FGF13: variants seen among roughly 807,000 people sequenced by gnomAD.
The protein encoded by FGF13 is fibroblast growth factor 13, also known as fibroblast growth factor homologous factor 2.
A neutral mutation model predicts 19.5 loss-of-function variants in FGF13; 2 were observed. That is an observed-to-expected ratio of 0.10 (90% CI 0.04 to 0.32). The LOEUF is 0.32. FGF13 is among the 10% of genes least tolerant of loss of function. The pLI is 1.00. For synonymous variants in FGF13, 72 were observed against 76.9 expected (o/e 0.94, Z 0.33); for missense variants, 113 against 192.7 (o/e 0.59, Z 2.45).
At chrX:138,737,076 G>A (rs2090281948) in intron 1 of FGF13, among the ~76,000 whole-genome samples, 2 of 111,453 alleles carry the variant, frequency 1.8e-5, no homozygotes, top group Non-Finnish European at 3.8e-5. Context: ...GGCTGGGAAG[G>A]GTTACACAGA....
chrX:138,918,797 A>G (rs1394649914), intron 1 of FGF13, among the ~76,000 whole-genome samples: 2 of 111,906 alleles, frequency 1.8e-5, no homozygotes, highest in African/African-American at 6.5e-5. Context: ...AAGGCTTCGC[A>G]GAGGAGTTAA....
intron 1 of FGF13, among the ~76,000 whole-genome samples, chrX:139,157,720 T>TG (rs1161663379): frequency 8.8e-6 from 1 of 113,048 alleles, no homozygotes; most frequent in Non-Finnish European, 1.9e-5. Context: ...TACCAGAAAG[T>TG]GGTGTTGTTG....
intron 3 of FGF13, among the ~76,000 whole-genome samples, chrX:138,657,810 T>C (rs1027587730): frequency 6.2e-5 from 7 of 112,109 alleles, no homozygotes; most frequent in African/African-American, 1.9e-4. Context: ...CCCAGTATGA[T>C]TACTACACTG....
intron 1 of FGF13, among the ~76,000 whole-genome samples, chrX:139,174,482 C>A (rs1003697523): frequency 6.2e-5 from 7 of 112,231 alleles, no homozygotes; most frequent in Non-Finnish European, 1.3e-4. Context: ...TTGCCCATGC[C>A]TATGTCCTGA....
rs749202739 is a variant in FGF13, at chrX:138,756,843, A to T, written c.218-47915T>A. On this transcript the variant is annotated intron_variant, in intron 3 of 6. Coordinates refer to the FGF13 transcript ENST00000436198. ...ACATGCCATCCATATTTCTGGCTCC[A>T]GGTGATGTCCACTATATACTCCATC... Among the ~76,000 whole-genome samples, 9 of 111,550 alleles carry T rather than the reference A, an allele frequency of 8.1e-5. 1 individual carries two copies. The South Asian group carries it at 3.5e-3, about 43-fold the overall frequency.
chrX:139,004,265 C>G lies in FGF13; in HGVS notation c.-112-139615G>C, dbSNP rs1231466173. 2.7e-5 allele frequency among the ~76,000 whole-genome samples: 3 copies of G among 112,801 alleles called. No individual in the cohort carries two copies. In the East Asian group the frequency reaches 8.5e-4, roughly 32 times the overall value. On this transcript the variant is annotated intron_variant, in intron 1 of 2. Transcript: ENST00000421460. Reference sequence around the variant, plus strand: ...CAGTACACCCTCCGCAGCCACTGGCCCGGGTGATAAGTCCCTCATTGCCCG... The same window carrying G: ...CAGTACACCCTCCGCAGCCACTGGCGCGGGTGATAAGTCCCTCATTGCCCG...
At chrX:139,186,427 C>T (rs1487509638) in intron 1 of FGF13, among the ~76,000 whole-genome samples, 2 of 111,703 alleles carry the variant, frequency 1.8e-5, no homozygotes, top group Non-Finnish European at 3.8e-5. Context: ...TAGACATTGT[C>T]CATCTTCATT....
exon 3 of FGF13, chrX:138,857,634 C>A: frequency 1.7e-6 from 2 of 1,208,142 alleles, no homozygotes; most frequent in Non-Finnish European, 2.2e-6. Context: ...GGAATCTTGT[C>A]GTAACATAAT....
chrX:138,725,420 G>GC (rs1323513991), intron 1 of FGF13, among the ~76,000 whole-genome samples: 1 of 111,273 alleles, frequency 9.0e-6, no homozygotes, highest in Non-Finnish European at 1.9e-5. Context: ...ACTACTGAAG[G>GC]CCATGATATG....
intron 1 of FGF13, among the ~76,000 whole-genome samples, chrX:139,054,497 G>A (rs1202203978): frequency 1.8e-5 from 2 of 111,427 alleles, no homozygotes; most frequent in Admixed American, 9.5e-5. Context: ...TTTGAAGTCA[G>A]GTAACCTGAT....
At chrX:138,756,676 T>C (rs1379502153) in intron 3 of FGF13, among the ~76,000 whole-genome samples, 1 of 111,914 alleles carries the variant, frequency 8.9e-6, no homozygotes, top group Non-Finnish European at 1.9e-5. Context: ...CCCCAGCCCT[T>C]TGTCAGACCG....
intron 1 of FGF13, among the ~76,000 whole-genome samples, chrX:139,004,324 G>A (rs973839071): frequency 7.1e-5 from 8 of 112,864 alleles, no homozygotes; most frequent in Non-Finnish European, 1.1e-4. Flanking sequence ...TTCTGAGTGC[G>A]GGGCCCGCCA....
chrX:138,962,690 T>C, intron 1 of FGF13, among the ~76,000 whole-genome samples: 1 of 111,832 alleles, frequency 8.9e-6, no homozygotes. Flanking sequence ...TTCATGTCAT[T>C]TGTAGGGACA....
intron 1 of FGF13, among the ~76,000 whole-genome samples, chrX:138,991,049 G>A (rs1374596362): frequency 8.9e-6 from 1 of 111,858 alleles, no homozygotes; most frequent in Non-Finnish European, 1.9e-5. Flanking sequence ...TCCAGGCCCA[G>A]TGCAGGCCCA....
At chrX:138,782,362 G>T (rs1276725359) in intron 3 of FGF13, among the ~76,000 whole-genome samples, 1 of 111,713 alleles carries the variant, frequency 9.0e-6, no homozygotes, top group East Asian at 2.8e-4. Context: ...AAAGAGGAAG[G>T]AAGTCAAATT....
chrX:139,007,406 C>T (rs1407597684), intron 1 of FGF13, among the ~76,000 whole-genome samples: 1 of 110,763 alleles, frequency 9.0e-6, no homozygotes, highest in East Asian at 2.9e-4. Flanking sequence ...AGCTGGGAGG[C>T]TTCAATGCCC....
chrX:138,716,718 A>G (rs1390828797), intron 1 of FGF13: 1 of 112,734 alleles, frequency 8.9e-6, no homozygotes, highest in Non-Finnish European at 1.9e-5. Context: ...GTATTCTGTT[A>G]CATACCCTGA....
At chrX:139,142,088 C>T (rs1478867832) in intron 1 of FGF13, among the ~76,000 whole-genome samples, 1 of 111,686 alleles carries the variant, frequency 9.0e-6, no homozygotes, top group East Asian at 2.9e-4. Flanking sequence ...TGAAAAAAAC[C>T]CCATTCCTCC....
At chrX:138,806,224 G>A (rs761899378) in intron 3 of FGF13, 8 of 111,340 alleles carry the variant, frequency 7.2e-5, no homozygotes, top group Non-Finnish European at 1.1e-4. Flanking sequence ...ACTTTCTTAT[G>A]TTTCAGAAGC....
Sources: allele counts gnomAD v4.1 joint callset (sites outside exome capture counted in the v4.1 genomes callset), GRCh38; gene constraint gnomAD v4.1.1; transcripts MANE v1.5; gene names NCBI Gene and HGNC (gene_info 2026-07-23, HGNC 2026-07-21).